Variants in PSME4 observed in about 807,000 individuals in gnomAD.
PSME4 encodes the protein proteasome activator complex subunit 4.
PSME4 carries 89 observed loss-of-function variants against 253.9 expected under a neutral mutation model. The observed-to-expected ratio is 0.35, with a 90% confidence interval of 0.30 to 0.42. PSME4 has a LOEUF of 0.42. Ranked by LOEUF, PSME4 falls within the 10% of genes least tolerant of loss-of-function variation. PSME4 has a pLI of 1.00. For synonymous variants in PSME4, 851 were observed against 759.2 expected, an observed-to-expected ratio of 1.12 and a Z score of -1.99; for missense variants, 2,014 against 2,195.2, an observed-to-expected ratio of 0.92 and a Z score of 1.65.
chr2:53,922,332 G>C (rs1032481192), intron 17 of PSME4, among the ~76,000 whole-genome samples, 185 bp downstream of exon 17: 37 of 152,156 alleles, frequency 2.4e-4, no homozygotes, highest in Non-Finnish European at 4.4e-5. Context: ...TGAACATGCA[G>C]TGATCAACTA....
In PSME4 at chr2:53,928,212, C is replaced by T; in HGVS notation, c.1408G>A (p.Gly470Arg). Reference sequence around the variant, plus strand: ...GGACCTTCAGGAAACCATCTGCCTCCTGATACCAAACTGCGGGCTACTCCA... The same window carrying T: ...GGACCTTCAGGAAACCATCTGCCTCTTGATACCAAACTGCGGGCTACTCCA... ...VIGVARSLVSGGRWFPEGPTH... is the reference protein window; with the variant it reads ...VIGVARSLVSRGRWFPEGPTH... The change falls in exon 11 of 47, where the codon GGA (glycine) becomes AGA (arginine). Residue 470 changes from glycine to arginine, a missense_variant. By Grantham distance (125) the Gly-to-Arg change is moderately radical. Transcript: ENST00000404125. The T allele has an allele frequency of 6.2e-7, 1 of 1,614,130 alleles. No homozygotes were observed. Among genetic ancestry groups the T allele is most frequent in the South Asian group, 1.1e-5 (1 of 91,076 alleles).
intron 26 of PSME4, among the ~76,000 whole-genome samples, chr2:53,904,799 G>A (rs1680573029): frequency 6.6e-6 from 1 of 151,792 alleles, no homozygotes; most frequent in African/African-American, 2.4e-5. Context: ...GACCAGCCTG[G>A]CCAACATGGT....
chr2:53,880,551 G>A (rs1031654808), intron 41 of PSME4, among the ~76,000 whole-genome samples: 1 of 152,116 alleles, frequency 6.6e-6, no homozygotes, highest in Non-Finnish European at 1.5e-5. Context: ...ACAGAAAACT[G>A]GTTAAATTTT....
intron 3 of PSME4, among the ~76,000 whole-genome samples, chr2:53,940,625 C>T (rs1669346107): frequency 6.6e-6 from 1 of 151,370 alleles, no homozygotes; most frequent in Non-Finnish European, 1.5e-5. Flanking sequence ...ATTTATAATC[C>T]ACATTTCTTT....
chr2:53,880,423 C>T (rs914746808), intron 41 of PSME4, among the ~76,000 whole-genome samples: 5 of 151,988 alleles, frequency 3.3e-5, no homozygotes, highest in African/African-American at 1.2e-4. Flanking sequence ...AGCAAGATAT[C>T]ATCTCTTAAA....
At chr2:53,948,726 C>T (rs913273362) in intron 2 of PSME4, among the ~76,000 whole-genome samples, 189 bp from the exon 3 acceptor site, 11 of 152,144 alleles carry the variant, frequency 7.2e-5, no homozygotes, top group African/African-American at 2.7e-4. Flanking sequence ...TGCTGCTGCT[C>T]AAACCTCAAA....
intron 45 of PSME4, 84 bp from the exon 46 acceptor site, chr2:53,866,307 C>T: frequency 7.0e-7 from 1 of 1,433,226 alleles, no homozygotes; most frequent in Non-Finnish European, 9.5e-7. Flanking sequence ...AAATTACCGT[C>T]CCTCTAGACT....
At position 53,895,016 on chromosome 2, in the gene PSME4, A is replaced by G. The variant is rs1435403059; in HGVS notation, c.3903T>C (p.Asp1301=). The change falls in exon 34 of 47, where the codon GAT becomes GAC. Residue 1301 remains aspartate, a synonymous_variant. Coordinates refer to ENST00000404125, the MANE Select transcript of PSME4 (RefSeq NM_014614.3). ...EQPKLGRSRE[D]MTEAEQIIFD... is the part of the protein sequence containing the mutation. ...GAAATGGAATGCTTACCTCTGTCAT[A>G]TCCTCCCTGCTTCTGCCAAGCTTAG... is the stretch of plus-strand genomic sequence containing the variant. 1 of 1,612,944 alleles carries G rather than the reference A, an allele frequency of 6.2e-7. No homozygotes were observed. The highest frequency in any genetic ancestry group is 1.7e-5 in the Admixed American group (1 of 59,748).
At position 53,946,866 on chromosome 2, in the gene PSME4, A is replaced by C. The variant is rs143544592; in HGVS notation, c.500+1555T>G. On this transcript the variant is annotated intron_variant, in intron 3 of 46. Transcript: ENST00000404125. ...GAGGTCAAGGCTGTGGTGATGCAAG[A>C]TCTTGCCACTGCACTCCAGCCTAGG... 1.2e-3 allele frequency among the ~76,000 whole-genome samples: 187 copies of C among 152,162 alleles called. 1 individual carries two copies. Among genetic ancestry groups the C allele is most frequent in the African/African-American group, 4.3e-3 (177 of 41,534 alleles).
intron 20 of PSME4, 35 bp from the exon 21 acceptor site, chr2:53,910,165 A>G: frequency 6.6e-7 from 1 of 1,521,646 alleles, no homozygotes. Flanking sequence ...ATTTATTAAT[A>G]ATACCAATAT....
intron 27 of PSME4, among the ~76,000 whole-genome samples, chr2:53,901,781 G>C (rs1680410667): frequency 6.6e-6 from 1 of 152,204 alleles, no homozygotes; most frequent in African/African-American, 2.4e-5. Context: ...ATTTAATAAA[G>C]AGTTTGGGAC....
At position 53,864,539 on chromosome 2, in the gene PSME4, TAAAG is replaced by T. The variant is rs1391964862; in HGVS notation, c.*1035_*1038del. ...GGTACAAAGCCCAAAATCACTATAA[TAAAG>T]AACTACACGTGAATCTTTACAAATT... On this transcript the variant is annotated 3_prime_UTR_variant, in exon 47 of 47. Coordinates refer to ENST00000404125, the MANE Select transcript of PSME4 (RefSeq NM_014614.3). 1 of 152,546 alleles carries T rather than the reference TAAAG, an allele frequency of 6.6e-6. No homozygotes were observed. Among genetic ancestry groups the T allele is most frequent in the African/African-American group, 2.4e-5 (1 of 41,426 alleles). The allele number at this position is 152,546 out of a possible 1,614,324, so 9.4% of individuals were successfully genotyped here. A position where few individuals can be genotyped will look rare whatever the true frequency, so the allele number is the denominator to read the frequency against.
At chr2:53,966,435 C>T (rs1177374500) in intron 1 of PSME4, among the ~76,000 whole-genome samples, 4 of 152,106 alleles carry the variant, frequency 2.6e-5, no homozygotes, top group African/African-American at 7.2e-5. Flanking sequence ...GCCGGGGTGG[C>T]CAGATCATTT....
intron 37 of PSME4, 56 bp downstream of exon 37, chr2:53,890,048 A>T (rs1679833106): frequency 1.6e-6 from 2 of 1,268,688 alleles, no homozygotes; most frequent in South Asian, 2.5e-5. Context: ...TTTGAGAGAC[A>T]GTATCAAACA....
intron 1 of PSME4, among the ~76,000 whole-genome samples, chr2:53,950,149 G>A (rs1464417367): frequency 3.3e-5 from 5 of 152,086 alleles, no homozygotes; most frequent in African/African-American, 4.8e-5. Flanking sequence ...GATGGCGTGC[G>A]CCTGTGGTCC....
In PSME4 at chr2:53,887,381, C is replaced by T. The variant is rs773814436; in HGVS notation, c.4607G>A (p.Arg1536Gln). ...ISPHVPEFTA[R>Q]ILEKLKPLMD... The stretch of plus-strand genomic sequence containing the variant: ...GAGAGGTTTCAATTTCTCCAGAATT[C>T]GAGCAGTAAACTCAGGGACATGAGG... The change falls in exon 40 of 47, where the codon CGA becomes CAA. Residue 1536 changes from arginine to glutamine, a missense_variant. Transcript: ENST00000404125. The T allele has an allele frequency of 7.4e-6, 12 of 1,613,632 alleles. No individual in the cohort carries two copies. Among genetic ancestry groups the T allele is most frequent in the East Asian group, 2.2e-5 (1 of 44,874 alleles).
At chr2:53,888,907 C>G in intron 37 of PSME4, 95 bp from the exon 38 acceptor site, 1 of 1,009,756 alleles carries the variant, frequency 9.9e-7, no homozygotes, top group African/African-American at 1.6e-5. Flanking sequence ...ATTTTTGAGG[C>G]TAGGTCTAAC....
At chr2:53,932,174 T>A (rs76043348) in intron 9 of PSME4, 74 bp from the exon 10 acceptor site, 57,517 of 1,364,234 alleles carry the variant, frequency 0.042, 1,459 homozygotes, top group Non-Finnish European at 0.049. Context: ...GCTCTCTAGC[T>A]TCTTGAGAAA....
chr2:53,910,200 T>C, intron 20 of PSME4, 70 bp from the exon 21 acceptor site: 1 of 1,285,090 alleles, frequency 7.8e-7, no homozygotes, highest in East Asian at 2.3e-5. Flanking sequence ...AAAAGTTTCA[T>C]TGCTGGACTG....
Sources: gnomAD v4.1 joint callset for allele counts (sites outside exome capture counted in the v4.1 genomes callset) on GRCh38, gnomAD v4.1.1 for gene constraint, MANE v1.5 for transcripts, NCBI Gene and HGNC (gene_info 2026-07-23, HGNC 2026-07-21) for gene names.